The following ROBO1 variants were observed in gnomAD, a reference collection of about 807,000 sequenced individuals.
ROBO1 encodes roundabout guidance receptor 1.
Under a neutral mutation model 195.9 loss-of-function variants are expected in ROBO1, and 149 were observed. The ratio of observed to expected loss-of-function variants is 0.76; its 90% CI spans 0.67 to 0.87. ROBO1 has a LOEUF of 0.87. Among genes scored for constraint, ROBO1 ranks in the 40% least tolerant of loss-of-function variants. The pLI is 0.00. For missense variants in ROBO1, 1,933 were observed against 2,068.3 expected, an observed-to-expected ratio of 0.93 and a Z score of 1.27; for synonymous variants, 816 against 733.2, an observed-to-expected ratio of 1.11 and a Z score of -1.82.
At chr3:78,680,337 C>T (rs2080865720) in intron 10 of ROBO1, among the ~76,000 whole-genome samples, 1 of 152,144 alleles carries the variant, frequency 6.6e-6, no homozygotes, top group Non-Finnish European at 1.5e-5. Flanking sequence ...CAAATGGGAT[C>T]TAATTGAACT....
chr3:78,987,237 G>T (rs959114868), intron 3 of ROBO1, among the ~76,000 whole-genome samples: 1 of 150,766 alleles, frequency 6.6e-6, no homozygotes, highest in African/African-American at 2.4e-5. Flanking sequence ...TTTAGAAATA[G>T]TTTTTTTTAA....
intron 2 of ROBO1, among the ~76,000 whole-genome samples, chr3:79,534,148 CAAAAAAAAA>C (rs5850434): frequency 1.5e-4 from 9 of 59,948 alleles, no homozygotes; most frequent in Non-Finnish European, 1.8e-4. Context: ...CTGGGGAAGG[CAAAAAAAAA>C]AAAAAAAAAA....
At chr3:78,672,566 G>A (rs1053561607) in intron 10 of ROBO1, among the ~76,000 whole-genome samples, 3 of 141,562 alleles carry the variant, frequency 2.1e-5, no homozygotes, top group Admixed American at 7.4e-5. Flanking sequence ...CCGCACTCCA[G>A]CCTGGGTGAC....
chr3:79,670,171 A>T (rs1253455245), intron 1 of ROBO1, among the ~76,000 whole-genome samples: 1 of 151,964 alleles, frequency 6.6e-6, no homozygotes, highest in Non-Finnish European at 1.5e-5. Flanking sequence ...TGCCATAAAT[A>T]AGATATAGGA....
At chr3:79,432,756 T>C (rs2038727885) in intron 2 of ROBO1, among the ~76,000 whole-genome samples, 1 of 152,148 alleles carries the variant, frequency 6.6e-6, no homozygotes. Context: ...TACTGAATCA[T>C]GCTGTTTTAA....
At chr3:79,023,499 A>G (rs545606861) in intron 3 of ROBO1, among the ~76,000 whole-genome samples, 4 of 152,240 alleles carry the variant, frequency 2.6e-5, no homozygotes, top group South Asian at 2.1e-4. Context: ...TGCACATGGT[A>G]GCTTCAAATG....
At chr3:79,146,351 C>T (rs1403841955) in intron 2 of ROBO1, among the ~76,000 whole-genome samples, 1 of 151,804 alleles carries the variant, frequency 6.6e-6, no homozygotes, top group African/African-American at 2.4e-5. Flanking sequence ...AAGAAATGGT[C>T]CGTAAAAATA....
chr3:79,018,395 A>G (rs1183210634), intron 3 of ROBO1: 5 of 1,613,698 alleles, frequency 3.1e-6, no homozygotes, highest in Non-Finnish European at 4.2e-6. Context: ...AAGAAAGAAG[A>G]CGCGGGGTTA....
chr3:79,260,924 T>A (rs2082927526), intron 2 of ROBO1, among the ~76,000 whole-genome samples: 2 of 152,130 alleles, frequency 1.3e-5, no homozygotes, highest in African/African-American at 4.8e-5. Context: ...TGCTCAATTC[T>A]ATATTTAATT....
chr3:79,558,055 A>G (rs1361856631), intron 2 of ROBO1, among the ~76,000 whole-genome samples: 1 of 152,136 alleles, frequency 6.6e-6, no homozygotes, highest in Non-Finnish European at 1.5e-5. Flanking sequence ...TCAAATTTGT[A>G]AAAATATTTT....
chr3:79,171,672 C>G (rs1244703741), intron 2 of ROBO1, among the ~76,000 whole-genome samples: 2 of 151,962 alleles, frequency 1.3e-5, no homozygotes, highest in African/African-American at 4.8e-5. Flanking sequence ...TGGCATATAT[C>G]TTTAGTTGTA....
At chr3:79,283,567 G>A (rs2031667497) in intron 2 of ROBO1, among the ~76,000 whole-genome samples, 1 of 152,128 alleles carries the variant, frequency 6.6e-6, no homozygotes. Flanking sequence ...ATAGTTTAAG[G>A]AAATATCGGA....
intron 3 of ROBO1, among the ~76,000 whole-genome samples, chr3:79,123,424 AT>A (rs1431767772): frequency 6.6e-6 from 1 of 152,022 alleles, no homozygotes; most frequent in African/African-American, 2.4e-5. Context: ...GCCAATTGGT[AT>A]CTTTCTTTAC....
chr3:79,620,743 G>T (rs1279623829), intron 1 of ROBO1, among the ~76,000 whole-genome samples: 1 of 151,764 alleles, frequency 6.6e-6, no homozygotes, highest in Non-Finnish European at 1.5e-5. Flanking sequence ...AATTGATCAT[G>T]CACCCCTTAT....
At chr3:79,586,487 G>GGA (rs1398381152) in intron 2 of ROBO1, among the ~76,000 whole-genome samples, 1 of 151,814 alleles carries the variant, frequency 6.6e-6, no homozygotes, top group Non-Finnish European at 1.5e-5. Flanking sequence ...CTTTAATGAA[G>GGA]GACAACACTG....
chr3:79,147,682 A>G (rs2080680852), intron 2 of ROBO1, among the ~76,000 whole-genome samples: 1 of 152,006 alleles, frequency 6.6e-6, no homozygotes, highest in African/African-American at 2.4e-5. Flanking sequence ...CATTTATTAT[A>G]CACAGTGGGT....
chr3:79,249,356 A>C (rs905124360), intron 2 of ROBO1, among the ~76,000 whole-genome samples: 1 of 152,114 alleles, frequency 6.6e-6, no homozygotes, highest in African/African-American at 2.4e-5. Flanking sequence ...TTAATTATGA[A>C]CGCCTTACTT....
intron 10 of ROBO1, among the ~76,000 whole-genome samples, chr3:78,670,908 C>A (rs1289381656): frequency 6.6e-6 from 1 of 152,132 alleles, no homozygotes; most frequent in Non-Finnish European, 1.5e-5. Flanking sequence ...AATTACCCAA[C>A]TGTAATGAAT....
chr3:79,549,949 A>C (rs570425058), intron 2 of ROBO1, among the ~76,000 whole-genome samples: 2 of 151,036 alleles, frequency 1.3e-5, no homozygotes. Flanking sequence ...ACATAGTAAG[A>C]CATCATCTCT....
Sources: gnomAD v4.1 joint callset for allele counts (sites outside exome capture counted in the v4.1 genomes callset) on GRCh38, gnomAD v4.1.1 for gene constraint, MANE v1.5 for transcripts, NCBI Gene and HGNC (gene_info 2026-07-23, HGNC 2026-07-21) for gene names.